Variants in UBE2D2 observed in about 807,000 individuals in gnomAD.
UBE2D2 encodes ubiquitin-conjugating enzyme E2 D2.
Under a neutral mutation model 24.2 loss-of-function variants are expected in UBE2D2, and 2 were observed. That is an observed-to-expected ratio of 0.08 (90% CI 0.03 to 0.26). The LOEUF is 0.26. UBE2D2 is among the 10% of genes least tolerant of loss of function. The pLI is 1.00. For missense variants in UBE2D2, 44 were observed against 177.6 expected, an observed-to-expected ratio of 0.25 and a Z score of 4.28; for synonymous variants, 58 against 56.5, an observed-to-expected ratio of 1.03 and a Z score of -0.12.
At chr5:139,616,478 G>A (rs1347375757) in intron 5 of UBE2D2, among the ~76,000 whole-genome samples, 1 of 152,104 alleles carries the variant, frequency 6.6e-6, no homozygotes, top group Non-Finnish European at 1.5e-5. Flanking sequence ...AAAATATGAA[G>A]TACAAAAATC....
At chr5:139,601,920 A>G (rs1265222495) in intron 2 of UBE2D2, among the ~76,000 whole-genome samples, 3 of 152,106 alleles carry the variant, frequency 2.0e-5, no homozygotes, top group African/African-American at 7.2e-5. Context: ...AAAAAAAAAA[A>G]AAAGAAAAAA....
chr5:139,540,569 T>C (rs1392653460), intron 1 of UBE2D2, among the ~76,000 whole-genome samples: 2 of 146,648 alleles, frequency 1.4e-5, no homozygotes, highest in Non-Finnish European at 3.0e-5. Flanking sequence ...AAAAGAATAA[T>C]AGCTATCTAA....
At chr5:139,586,173 C>A (rs898381483) in intron 1 of UBE2D2, among the ~76,000 whole-genome samples, 1 of 151,246 alleles carries the variant, frequency 6.6e-6, no homozygotes, top group Non-Finnish European at 1.5e-5. Flanking sequence ...TAAAGATTAT[C>A]TGGGGTCTAG....
intron 1 of UBE2D2, among the ~76,000 whole-genome samples, chr5:139,593,152 C>T (rs1422523227): frequency 2.0e-5 from 3 of 151,808 alleles, no homozygotes; most frequent in East Asian, 1.9e-4. Context: ...AGCGCCACCA[C>T]GCCCAGCTAA....
chr5:139,590,786 T>C lies in UBE2D2; in HGVS notation c.25-9586T>C, dbSNP rs1471590574. Among the ~76,000 whole-genome samples, 879 of 118,156 alleles carry C rather than the reference T, an allele frequency of 7.4e-3. 10 individuals are homozygous for C. Among genetic ancestry groups the C allele is most frequent in the African/African-American group, 0.028 (837 of 29,374 alleles). 77.5% of individuals were successfully genotyped at this position (118,156 alleles called of 152,430 possible). ...TGGTGGGTATTTTCTCTTCTTCTTT[T>C]TTTTTTTTTTTTTTTTTTTTTTTTT... On this transcript the variant is annotated intron_variant, in intron 1 of 6. Transcript: ENST00000398733.
intron 5 of UBE2D2, among the ~76,000 whole-genome samples, chr5:139,623,069 G>A (rs1324231579): frequency 6.6e-6 from 1 of 151,786 alleles, no homozygotes; most frequent in Admixed American, 6.6e-5. Flanking sequence ...CAGGCATGGT[G>A]GTTCAAGCCT....
At chr5:139,604,302 C>A (rs1446027062) in intron 2 of UBE2D2, among the ~76,000 whole-genome samples, 1 of 151,794 alleles carries the variant, frequency 6.6e-6, no homozygotes, top group Non-Finnish European at 1.5e-5. Context: ...CGCCGCCCAG[C>A]TAATTTTCGT....
intron 1 of UBE2D2, among the ~76,000 whole-genome samples, chr5:139,553,712 T>C (rs1472345837): frequency 6.6e-6 from 1 of 152,136 alleles, no homozygotes; most frequent in Non-Finnish European, 1.5e-5. Flanking sequence ...TTTATAATAT[T>C]GTTTCTATAC....
In UBE2D2 at chr5:139,616,556, A is replaced by T. The variant is rs568334805; in HGVS notation, c.304+1590A>T. 5.8e-3 allele frequency among the ~76,000 whole-genome samples: 886 copies of T among 152,356 alleles called. 12 individuals are homozygous for T. The highest frequency in any genetic ancestry group is 0.018 in the African/African-American group (755 of 41,582). ...ACCAAAGAATAAATAAATGAATGTT[A>T]CGTTCCTATTTTTTACCTTTTTAAT... is the stretch of plus-strand genomic sequence containing the variant. On this transcript the variant is annotated intron_variant, in intron 5 of 6. Transcript: ENST00000398733.
At chr5:139,596,694 C>T (rs1753966182) in intron 1 of UBE2D2, among the ~76,000 whole-genome samples, 1 of 151,764 alleles carries the variant, frequency 6.6e-6, no homozygotes, top group Non-Finnish European at 1.5e-5. Context: ...TGAGTCTAGG[C>T]ATTAGACACC....
chr5:139,530,296 C>A (rs1336423545), intron 1 of UBE2D2, among the ~76,000 whole-genome samples: 5 of 152,158 alleles, frequency 3.3e-5, no homozygotes, highest in Admixed American at 6.5e-5. Context: ...CTGATCAGGA[C>A]AGGTAGCTGT....
chr5:139,602,555 G>A (rs1011145690), intron 2 of UBE2D2, among the ~76,000 whole-genome samples: 1 of 152,088 alleles, frequency 6.6e-6, no homozygotes, highest in Non-Finnish European at 1.5e-5. Flanking sequence ...GTGCATGCCT[G>A]TAGCCCCAGC....
intron 1 of UBE2D2, among the ~76,000 whole-genome samples, chr5:139,581,209 G>A (rs1753595733): frequency 6.6e-6 from 1 of 152,154 alleles, no homozygotes; most frequent in Non-Finnish European, 1.5e-5. Flanking sequence ...AGCACTTTGG[G>A]AGGCCGAGGC....
At chr5:139,573,916 A>G (rs1481601850) in intron 1 of UBE2D2, among the ~76,000 whole-genome samples, 3 of 152,102 alleles carry the variant, frequency 2.0e-5, no homozygotes, top group African/African-American at 4.8e-5. Context: ...GCTTGCAGTG[A>G]GCTGAGATCA....
At chr5:139,572,782 C>G (rs1753377022) in intron 1 of UBE2D2, among the ~76,000 whole-genome samples, 1 of 151,464 alleles carries the variant, frequency 6.6e-6, no homozygotes, top group Non-Finnish European at 1.5e-5. Context: ...AGAAAAGAAG[C>G]TGGGATTACA....
chr5:139,580,052 A>AAAAAAG (rs1027920377), intron 1 of UBE2D2, among the ~76,000 whole-genome samples: 2 of 151,974 alleles, frequency 1.3e-5, no homozygotes, highest in Non-Finnish European at 2.9e-5. Flanking sequence ...TCTCAAAAAA[A>AAAAAAG]AAAAAAAAAG....
chr5:139,534,414 C>A (rs111537730), intron 1 of UBE2D2, among the ~76,000 whole-genome samples: 16,772 of 151,924 alleles, frequency 0.11, 959 homozygotes, highest in Middle Eastern at 0.13. Context: ...AAAATACAAA[C>A]CATTAGCCGG....
chr5:139,614,794 C>A lies in UBE2D2; in HGVS notation c.198+20C>A, dbSNP rs777422445. Reference sequence around the variant, plus strand: ...CCTAAGGTAATTAATTGGAATGTGGCAGTTTTTAATGTACTTTCTATAATA... The same window carrying A: ...CCTAAGGTAATTAATTGGAATGTGGAAGTTTTTAATGTACTTTCTATAATA... On this transcript the variant is annotated intron_variant, in intron 4 of 6. Coordinates refer to ENST00000398733, the MANE Select transcript of UBE2D2 (RefSeq NM_003339.3). 4 of 1,612,840 alleles carry A rather than the reference C, an allele frequency of 2.5e-6. No individual in the cohort carries two copies. The highest frequency in any genetic ancestry group is 3.4e-6 in the Non-Finnish European group (4 of 1,179,030).
At chr5:139,625,515 C>A (rs1336347304) in intron 6 of UBE2D2, among the ~76,000 whole-genome samples, 1 of 142,772 alleles carries the variant, frequency 7.0e-6, no homozygotes, top group Non-Finnish European at 1.5e-5. Context: ...ACAATCACAG[C>A]TCACTGTAAC....
Sources: gnomAD v4.1 joint callset for allele counts (sites outside exome capture counted in the v4.1 genomes callset) on GRCh38, gnomAD v4.1.1 for gene constraint, MANE v1.5 for transcripts, NCBI Gene and HGNC (gene_info 2026-07-23, HGNC 2026-07-21) for gene names.